XKR6: variants seen among roughly 807,000 people sequenced by gnomAD.
XKR6 encodes XK related 6, also known as XK-related protein 6.
A neutral mutation model predicts 56.7 loss-of-function variants in XKR6; 22 were observed. The ratio of observed to expected loss-of-function variants is 0.39; its 90% CI spans 0.28 to 0.55. The LOEUF is 0.55. Ranked by LOEUF, XKR6 falls within the 20% of genes least tolerant of loss-of-function variation. The pLI is 0.66. For missense variants in XKR6, 852 were observed against 889.0 expected, an observed-to-expected ratio of 0.96 and a Z score of 0.53; for synonymous variants, 524 against 387.8, an observed-to-expected ratio of 1.35 and a Z score of -4.13.
chr8:11,100,031 G>C (rs146492266), intron 1 of XKR6, among the ~76,000 whole-genome samples: 1 of 152,270 alleles, frequency 6.6e-6, no homozygotes, highest in Non-Finnish European at 1.5e-5. Flanking sequence ...GCCAGTTTAA[G>C]TAGGGCTCAT....
At chr8:11,162,611 C>G (rs557559276) in intron 1 of XKR6, among the ~76,000 whole-genome samples, 1 of 152,262 alleles carries the variant, frequency 6.6e-6, no homozygotes, top group East Asian at 1.9e-4. Flanking sequence ...ATTTCCTTCT[C>G]CATAAATTAC....
intron 1 of XKR6, among the ~76,000 whole-genome samples, chr8:11,071,856 A>C (rs954963321): frequency 3.0e-5 from 4 of 131,654 alleles, no homozygotes; most frequent in Non-Finnish European, 6.4e-5. Flanking sequence ...CTCTCTGTTC[A>C]CATCACAGGG....
chr8:11,106,887 A>G (rs1449344260), intron 1 of XKR6, among the ~76,000 whole-genome samples: 1 of 151,436 alleles, frequency 6.6e-6, no homozygotes, highest in Non-Finnish European at 1.5e-5. Context: ...CAACGTTACA[A>G]AATGTTTACA....
intron 1 of XKR6, among the ~76,000 whole-genome samples, chr8:11,157,667 C>T (rs192755900): frequency 6.6e-6 from 1 of 152,174 alleles, no homozygotes; most frequent in Non-Finnish European, 1.5e-5. Context: ...AGGTGCATGC[C>T]ACCATACATA....
chr8:11,070,646 G>C (rs78752983), intron 1 of XKR6, among the ~76,000 whole-genome samples: 1,939 of 152,326 alleles, frequency 0.013, 43 homozygotes, highest in African/African-American at 0.045. Flanking sequence ...GGATAAAAAT[G>C]TGAATGTAAT....
At chr8:11,070,597 T>G (rs1473068090) in intron 1 of XKR6, among the ~76,000 whole-genome samples, 2 of 152,166 alleles carry the variant, frequency 1.3e-5, no homozygotes, top group Non-Finnish European at 2.9e-5. Flanking sequence ...AGTGCCTCAC[T>G]AGTAGATCCC....
intron 1 of XKR6, among the ~76,000 whole-genome samples, chr8:11,178,043 C>T (rs1563197276): frequency 6.6e-6 from 1 of 152,130 alleles, no homozygotes; most frequent in South Asian, 2.1e-4. Context: ...GAGATTGCCA[C>T]AGCACAGAAA....
intron 1 of XKR6, among the ~76,000 whole-genome samples, chr8:11,182,535 T>C (rs555646140): frequency 1.2e-4 from 19 of 152,346 alleles, no homozygotes; most frequent in African/African-American, 4.1e-4. Context: ...GAGGCATATC[T>C]TGAAGTCAGA....
chr8:11,108,449 T>C (rs1433348611), intron 1 of XKR6: 1 of 426,446 alleles, frequency 2.3e-6, no homozygotes, highest in Admixed American at 2.8e-5. Flanking sequence ...TTAGAAATGT[T>C]AGAAGAAATA....
At chr8:11,182,497 C>G (rs1196725965) in intron 1 of XKR6, among the ~76,000 whole-genome samples, 1 of 152,230 alleles carries the variant, frequency 6.6e-6, no homozygotes, top group Non-Finnish European at 1.5e-5. Context: ...TGGTCCTCAG[C>G]TGGTCAGCGT....
At chr8:11,160,008 G>A (rs1034182123) in intron 1 of XKR6, among the ~76,000 whole-genome samples, 2 of 152,098 alleles carry the variant, frequency 1.3e-5, no homozygotes, top group African/African-American at 4.8e-5. Context: ...CTACCTATAG[G>A]AGCTGCTGAT....
At chr8:11,147,521 T>A (rs189913486) in intron 1 of XKR6, among the ~76,000 whole-genome samples, 82 of 152,112 alleles carry the variant, frequency 5.4e-4, no homozygotes, top group Non-Finnish European at 1.1e-3. Context: ...CTGGGTGTGG[T>A]GGCACGTGCC....
intron 2 of XKR6, among the ~76,000 whole-genome samples, chr8:10,923,932 A>T (rs143462085): frequency 2.9e-4 from 44 of 152,276 alleles, no homozygotes; most frequent in African/African-American, 1.1e-3. Flanking sequence ...ACTCCAGTTG[A>T]TGATAAACTC....
intron 1 of XKR6, among the ~76,000 whole-genome samples, chr8:11,044,197 T>C (rs747857701): frequency 6.6e-6 from 1 of 152,356 alleles, no homozygotes; most frequent in African/African-American, 2.4e-5. Context: ...TTCATGTCCT[T>C]GCCTCACCTT....
At chr8:10,995,264 C>G (rs948159546) in intron 1 of XKR6, among the ~76,000 whole-genome samples, 3 of 151,634 alleles carry the variant, frequency 2.0e-5, no homozygotes, top group African/African-American at 7.3e-5. Flanking sequence ...CCTATAATCC[C>G]AGTGCTTTAG....
intron 1 of XKR6, among the ~76,000 whole-genome samples, chr8:11,187,910 GA>G (rs1171228918): frequency 7.9e-5 from 12 of 152,310 alleles, no homozygotes; most frequent in African/African-American, 2.9e-4. Flanking sequence ...GTATAATGCT[GA>G]GCGCAAGTTT....
chr8:11,097,884 TA>T (rs1338657075), intron 1 of XKR6, among the ~76,000 whole-genome samples: 3 of 142,284 alleles, frequency 2.1e-5, no homozygotes, highest in African/African-American at 8.2e-5. Flanking sequence ...TTTTTTTTTT[TA>T]AAGCTATTTG....
chr8:11,195,873 C>T (rs552745893), intron 1 of XKR6, among the ~76,000 whole-genome samples: 3 of 150,918 alleles, frequency 2.0e-5, no homozygotes, highest in East Asian at 3.9e-4. Flanking sequence ...AGGATGGTCG[C>T]GATCTCCTGA....
intron 1 of XKR6, among the ~76,000 whole-genome samples, chr8:11,053,011 G>A (rs972475481): frequency 2.0e-5 from 3 of 152,140 alleles, no homozygotes; most frequent in Non-Finnish European, 2.9e-5. Context: ...AGAGCACTGC[G>A]CGGGGTCCAG....
Sources: gnomAD v4.1 joint callset for allele counts (sites outside exome capture counted in the v4.1 genomes callset) on GRCh38, gnomAD v4.1.1 for gene constraint, MANE v1.5 for transcripts, NCBI Gene and HGNC (gene_info 2026-07-23, HGNC 2026-07-21) for gene names.